Variants in MTUS2 observed in about 807,000 individuals in gnomAD.
MTUS2 encodes microtubule associated scaffold protein 2, also known as microtubule-associated tumor suppressor candidate 2.
A neutral mutation model predicts 114.1 loss-of-function variants in MTUS2; 40 were observed. The observed-to-expected ratio is 0.35, with a 90% CI of 0.27 to 0.46. The LOEUF (loss-of-function observed/expected upper bound fraction) is 0.46. Among genes scored for constraint, MTUS2 ranks in the 20% least tolerant of loss-of-function variants. The pLI, the probability that MTUS2 is intolerant of heterozygous loss-of-function variation, is 1.00. For synonymous variants in MTUS2, 688 were observed against 672.0 expected (o/e 1.02, Z -0.37); for missense variants, 1,679 against 1,705.4 (o/e 0.98, Z 0.27).
At position 29,472,067 on chromosome 13, in the gene MTUS2, C is replaced by T. The variant is rs142358416; in HGVS notation, c.3185-8083C>T. On this transcript the variant is annotated intron_variant, in intron 9 of 15. Coordinates refer to ENST00000612955, the MANE Select transcript of MTUS2 (RefSeq NM_001033602.4). ...TGAGATGAAGTCTTGCTCTGTCACC[C>T]AGGCTGGAGTGCAGTGGCATGATCT... Among the ~76,000 whole-genome samples, 93 of 152,286 alleles carry T rather than the reference C, an allele frequency of 6.1e-4. 1 individual carries two copies. The East Asian group carries it at 0.015, about 25-fold the overall frequency.
At chr13:29,456,136 G>A (rs1267656860) in intron 9 of MTUS2, among the ~76,000 whole-genome samples, 1 of 152,174 alleles carries the variant, frequency 6.6e-6, no homozygotes, top group East Asian at 1.9e-4. Flanking sequence ...TAAACAGGTA[G>A]AGAAGCACAA....
At chr13:29,171,141 AGT>A (rs34538842) in intron 5 of MTUS2, among the ~76,000 whole-genome samples, 42 of 150,232 alleles carry the variant, frequency 2.8e-4, no homozygotes, top group African/African-American at 7.1e-4. Context: ...AGAGAGAGAG[AGT>A]GTGTGTGTGT....
At chr13:28,903,108 T>C (rs1478829697) in intron 2 of MTUS2, among the ~76,000 whole-genome samples, 1 of 152,152 alleles carries the variant, frequency 6.6e-6, no homozygotes, top group African/African-American at 2.4e-5. Context: ...TTGAAGAACT[T>C]CCTTTAGCCA....
chr13:29,024,801 A>G lies in MTUS2; in HGVS notation c.103A>G (p.Thr35Ala). 1 of 1,614,058 alleles carries G rather than the reference A, an allele frequency of 6.2e-7. No homozygotes were observed. Among genetic ancestry groups the G allele is most frequent in the Non-Finnish European group, 8.5e-7 (1 of 1,179,896 alleles). ...NNESILSLGD[T>A]NANQIMLEVS... ...TGAAAGCATCTTAAGTCTGGGAGAT[A>G]CGAATGCCAATCAAATCATGTTGGA... Residue 35 changes from threonine to alanine, a missense_variant, in exon 3 of 16, where the codon ACG becomes GCG. Thr to Ala is a moderately conservative substitution (Grantham distance 58). Around this residue, in one of 3 missense-constraint regions of MTUS2, gnomAD observed 843 missense variants for 770.8 expected, o/e 1.09. Transcript: ENST00000612955.
At chr13:29,294,253 T>A (rs1218416326) in intron 6 of MTUS2, among the ~76,000 whole-genome samples, 1 of 152,152 alleles carries the variant, frequency 6.6e-6, no homozygotes, top group Non-Finnish European at 1.5e-5. Flanking sequence ...CAGTTATTCT[T>A]TATGTATAGT....
intron 5 of MTUS2, among the ~76,000 whole-genome samples, chr13:29,156,458 G>A (rs180821287): frequency 6.6e-6 from 1 of 152,154 alleles, no homozygotes; most frequent in Non-Finnish European, 1.5e-5. Flanking sequence ...GCAATAAAAA[G>A]CCCTGACATG....
At chr13:29,175,908 A>G (rs1004125171) in intron 5 of MTUS2, among the ~76,000 whole-genome samples, 2 of 152,154 alleles carry the variant, frequency 1.3e-5, no homozygotes, top group Non-Finnish European at 2.9e-5. Flanking sequence ...TAACAGAGAC[A>G]GGCTGGCCTT....
At chr13:29,153,548 G>A (rs73166439) in intron 5 of MTUS2, among the ~76,000 whole-genome samples, 15 of 152,148 alleles carry the variant, frequency 9.9e-5, no homozygotes, top group African/African-American at 1.9e-4. Context: ...GTGTGCTTCC[G>A]TCTCCAGGAG....
chr13:29,447,575 G>A (rs1198488547), intron 9 of MTUS2, among the ~76,000 whole-genome samples: 1 of 151,092 alleles, frequency 6.6e-6, no homozygotes, highest in African/African-American at 2.4e-5. Context: ...CTGGCTCTAG[G>A]TGGTTGGCCT....
chr13:29,286,582 A>G (rs1163361397), intron 6 of MTUS2, among the ~76,000 whole-genome samples: 2 of 152,234 alleles, frequency 1.3e-5, no homozygotes, highest in African/African-American at 4.8e-5. Flanking sequence ...TAGTGTGACC[A>G]TAAGTTTCAT....
At chr13:29,072,356 T>C (rs1234683354) in intron 4 of MTUS2, among the ~76,000 whole-genome samples, 1 of 152,230 alleles carries the variant, frequency 6.6e-6, no homozygotes, top group Non-Finnish European at 1.5e-5. Context: ...CATCTTGTGC[T>C]GGCAGTCTCG....
intron 2 of MTUS2, among the ~76,000 whole-genome samples, chr13:28,910,419 T>C (rs1278716589): frequency 6.6e-6 from 1 of 152,174 alleles, no homozygotes; most frequent in East Asian, 1.9e-4. Context: ...ATGTGTAGGA[T>C]GTTCAGGTTT....
intron 4 of MTUS2, among the ~76,000 whole-genome samples, chr13:29,087,314 G>A (rs1650941337): frequency 6.6e-6 from 1 of 152,156 alleles, no homozygotes; most frequent in Non-Finnish European, 1.5e-5. Flanking sequence ...AACATGAAAG[G>A]ATGTTGAATT....
intron 8 of MTUS2, among the ~76,000 whole-genome samples, chr13:29,433,245 G>A (rs368414631): frequency 1.6e-4 from 25 of 152,288 alleles, no homozygotes; most frequent in African/African-American, 5.8e-4. Flanking sequence ...ATGCACAAAG[G>A]CAAAGGCTGA....
intron 1 of MTUS2, among the ~76,000 whole-genome samples, chr13:28,832,657 A>G (rs964461415): frequency 6.7e-6 from 1 of 148,206 alleles, no homozygotes; most frequent in Non-Finnish European, 1.5e-5. Flanking sequence ...ACAATATATT[A>G]AAATTGTATA....
At chr13:29,163,803 A>G (rs1035441827) in intron 5 of MTUS2, among the ~76,000 whole-genome samples, 7 of 152,092 alleles carry the variant, frequency 4.6e-5, no homozygotes, top group Admixed American at 1.3e-4. Flanking sequence ...TGCATGAGAC[A>G]CTTTTTGGAG....
At chr13:29,085,307 CA>C (rs1424374559) in intron 4 of MTUS2, among the ~76,000 whole-genome samples, 11 of 152,234 alleles carry the variant, frequency 7.2e-5, no homozygotes, top group East Asian at 3.9e-4. Context: ...ATTTTAAGTT[CA>C]GGGGGTACAT....
chr13:28,981,149 C>A (rs1884340919), intron 2 of MTUS2, among the ~76,000 whole-genome samples: 1 of 152,154 alleles, frequency 6.6e-6, no homozygotes, highest in South Asian at 2.1e-4. Context: ...TGGAACTGTA[C>A]ACTTCAATGT....
intron 14 of MTUS2, among the ~76,000 whole-genome samples, chr13:29,498,761 A>C (rs1882710162): frequency 6.6e-6 from 1 of 152,190 alleles, no homozygotes; most frequent in African/African-American, 2.4e-5. Flanking sequence ...CCTGATGGGC[A>C]GTCTCTTTCT....
Sources: allele counts gnomAD v4.1 joint callset (sites outside exome capture counted in the v4.1 genomes callset), GRCh38; gene constraint gnomAD v4.1.1; regional missense constraint gnomAD v4.1.1; transcripts MANE v1.5; gene names NCBI Gene and HGNC (gene_info 2026-07-23, HGNC 2026-07-21).